Variants in ACTN4 observed in about 807,000 individuals in gnomAD.
ACTN4 encodes actinin alpha 4, also known as alpha-actinin-4.
In ACTN4, 18 loss-of-function variants were observed where a neutral mutation model predicts 114.2. That is an observed-to-expected ratio of 0.16 (90% CI 0.11 to 0.23). The LOEUF is 0.23. Ranked by LOEUF, ACTN4 falls within the 10% of genes least tolerant of loss-of-function variation. ACTN4 has a pLI of 1.00. For synonymous variants in ACTN4, 515 were observed against 506.3 expected (o/e 1.02, Z -0.23); for missense variants, 722 against 1,262.9 (o/e 0.57, Z 6.49).
chr19:38,731,274 G>T lies in ACTN4; in HGVS notation c.*1842G>T. ...AGTGGCCCACAGGGAACCCACCTTGGCATTGCATCCCCACCCCACCTCCTC... is the reference window on the plus strand; with the variant it reads ...AGTGGCCCACAGGGAACCCACCTTGTCATTGCATCCCCACCCCACCTCCTC... On this transcript the variant is annotated 3_prime_UTR_variant, in exon 21 of 21. Transcript: ENST00000252699. 1 of 1,424,536 alleles carries T rather than the reference G, an allele frequency of 7.0e-7. No homozygotes were observed. Among genetic ancestry groups the T allele is most frequent in the Non-Finnish European group, 9.9e-7 (1 of 1,012,358 alleles). The allele number at this position is 1,424,536 out of a possible 1,614,324, so 88.2% of individuals were successfully genotyped here. A position where few individuals can be genotyped will look rare whatever the true frequency, so the allele number is the denominator to read the frequency against.
At chr19:38,683,853 C>G (rs558899519) in intron 1 of ACTN4, 1 of 152,224 alleles carries the variant, frequency 6.6e-6, no homozygotes, top group Admixed American at 6.5e-5. Flanking sequence ...CTGACTTGCC[C>G]GCCCTCCCCC....
chr19:38,708,004 C>A, intron 5 of ACTN4, 113 bp from the exon 6 acceptor site: 1 of 1,112,854 alleles, frequency 9.0e-7, no homozygotes, highest in Non-Finnish European at 1.4e-6. Flanking sequence ...GTGCCTGGCA[C>A]AGGCCAGACT....
At position 38,724,514 on chromosome 19, in the gene ACTN4, G is replaced by T. The variant is rs765190661; in HGVS notation, c.1959G>T (p.Gln653His). 6.2e-7 allele frequency: 1 copy of T among 1,613,332 alleles called. No homozygotes were observed. The highest frequency in any genetic ancestry group is 8.5e-7 in the Non-Finnish European group (1 of 1,179,968). ...AGTCCAACGAGCACCTGCGCCGCCA[G>T]TTCGCCAGCCAGGCCAATGTTGTGG... is the stretch of plus-strand genomic sequence containing the variant. ...KQQSNEHLRR[Q>H]FASQANVVGP... is the part of the protein sequence containing the mutation. Residue 653 changes from glutamine (Q) to histidine (H), a missense_variant, in exon 16 of 21, where the codon CAG becomes CAT. This residue lies in a region of ACTN4 where 523 missense variants were observed against 875.9 expected (regional missense o/e 0.60). Coordinates refer to ENST00000252699, the MANE Select transcript of ACTN4 (RefSeq NM_004924.6). This position sits in a 1 kb window ranked among gnomAD's most constrained non-coding sequence, Gnocchi z 7.0.
intron 1 of ACTN4, among the ~76,000 whole-genome samples, chr19:38,687,225 G>GC (rs35837513): frequency 6.6e-6 from 1 of 151,846 alleles, no homozygotes; most frequent in Non-Finnish European, 1.5e-5. Context: ...ACCTGCCTCA[G>GC]CCCCCCCAAA....
chr19:38,673,475 TTATA>T (rs555078817), intron 1 of ACTN4, among the ~76,000 whole-genome samples: 2 of 64,246 alleles, frequency 3.1e-5, no homozygotes, highest in African/African-American at 1.1e-4. Context: ...TTATATATAT[TTATA>T]TATATATTCA....
chr19:38,673,620 T>C (rs1234337584), intron 1 of ACTN4, among the ~76,000 whole-genome samples: 7 of 66,408 alleles, frequency 1.1e-4, no homozygotes, highest in African/African-American at 2.4e-4. Context: ...TTTATATTTA[T>C]ATATATTCAT....
intron 1 of ACTN4, among the ~76,000 whole-genome samples, chr19:38,676,829 C>T (rs1967391304): frequency 6.6e-6 from 1 of 152,146 alleles, no homozygotes; most frequent in African/African-American, 2.4e-5. Flanking sequence ...ATGCCAAGTT[C>T]GAGCAACAGC....
chr19:38,698,782 C>T (rs558446325), intron 1 of ACTN4, among the ~76,000 whole-genome samples: 1 of 152,162 alleles, frequency 6.6e-6, no homozygotes, highest in Non-Finnish European at 1.5e-5. Flanking sequence ...ACTCTTGCCC[C>T]CTTTCGGATT....
intron 16 of ACTN4, 40 bp from the exon 17 acceptor site, chr19:38,725,684 C>A: frequency 3.1e-6 from 5 of 1,599,918 alleles, no homozygotes; most frequent in Non-Finnish European, 2.6e-6. Flanking sequence ...TGGGGGCAGG[C>A]CCACCAGCCT....
intron 1 of ACTN4, among the ~76,000 whole-genome samples, chr19:38,660,551 A>G (rs1976855357): frequency 6.6e-6 from 1 of 152,014 alleles, no homozygotes. Flanking sequence ...ACGTGCCACC[A>G]TGCCTGGCTA....
At chr19:38,652,509 G>A (rs1346366893) in intron 1 of ACTN4, among the ~76,000 whole-genome samples, 1 of 152,118 alleles carries the variant, frequency 6.6e-6, no homozygotes, top group African/African-American at 2.4e-5. Flanking sequence ...ACAATCCAGG[G>A]TGTGGGCCCA....
chr19:38,710,869 C>CA (rs1464973348), intron 8 of ACTN4: 1 of 235,726 alleles, frequency 4.2e-6, no homozygotes, highest in Non-Finnish European at 8.5e-6. Flanking sequence ...GAGTGAGTGA[C>CA]ACGCAGTGAT....
At chr19:38,657,383 TCCAC>T (rs1290165195) in intron 1 of ACTN4, among the ~76,000 whole-genome samples, 1 of 152,160 alleles carries the variant, frequency 6.6e-6, no homozygotes, top group East Asian at 1.9e-4. Flanking sequence ...CCTTAAGCGA[TCCAC>T]CCACCTTGGC....
intron 12 of ACTN4, among the ~76,000 whole-genome samples, chr19:38,723,171 C>T (rs1164520898): frequency 1.3e-5 from 2 of 152,158 alleles, no homozygotes; most frequent in Admixed American, 6.5e-5. Context: ...GAGCCCAGGC[C>T]CCCAGCCCTA....
intron 1 of ACTN4, among the ~76,000 whole-genome samples, chr19:38,687,841 G>A (rs62121823): frequency 0.056 from 8,544 of 152,242 alleles, 252 homozygotes; most frequent in South Asian, 0.095. Context: ...AGGACAACCC[G>A]CAGAATATTT....
At chr19:38,700,169 C>A (rs930746989) in intron 1 of ACTN4, among the ~76,000 whole-genome samples, 6 of 152,064 alleles carry the variant, frequency 3.9e-5, no homozygotes, top group African/African-American at 1.4e-4. Flanking sequence ...AGGAGCCCGA[C>A]CTGTTCATTC....
At position 38,727,620 on chromosome 19, in the gene ACTN4, A is replaced by C. The variant is rs1969281369; in HGVS notation, c.2338-326A>C. Among the ~76,000 whole-genome samples the C allele has an allele frequency of 1.4e-5, 2 of 146,370 alleles. No individual in the cohort carries two copies. The highest frequency in any genetic ancestry group is 2.5e-5 in the African/African-American group (1 of 39,824). ...CTGTCCCACTCCAAATCCCAAAGGC[A>C]AGGAGAACCCCCCCCCCGACCCTCC... On this transcript the variant is annotated intron_variant, in intron 18 of 20. Transcript: ENST00000252699. This position sits in a 1 kb window ranked among gnomAD's most constrained non-coding sequence, Gnocchi z 5.4.
intron 1 of ACTN4, among the ~76,000 whole-genome samples, chr19:38,699,137 C>T (rs1247691245): frequency 5.3e-5 from 8 of 152,182 alleles, no homozygotes; most frequent in Non-Finnish European, 1.0e-4. Flanking sequence ...GGGCTGGTTT[C>T]CCTGAAGGCG....
chr19:38,730,788 G>A lies in ACTN4; in HGVS notation c.*1356G>A, dbSNP rs1599874341. On this transcript the variant is annotated 3_prime_UTR_variant, in exon 21 of 21. Transcript: ENST00000252699. ...GAGAGTGGCACCCATGCCAGGCAAG[G>A]CCTAGGGAGGTGGTCTTGCTCAGCA... is the stretch of plus-strand genomic sequence containing the variant. 7.2e-6 allele frequency: 11 copies of A among 1,536,790 alleles called. No individual in the cohort carries two copies. In the East Asian group the frequency reaches 2.4e-4, roughly 34 times the overall value.
Sources: allele counts gnomAD v4.1 joint callset (sites outside exome capture counted in the v4.1 genomes callset), GRCh38; gene constraint gnomAD v4.1.1; regional missense constraint gnomAD v4.1.1; non-coding constraint Gnocchi (gnomAD v3.1); transcripts MANE v1.5; gene names NCBI Gene and HGNC (gene_info 2026-07-23, HGNC 2026-07-21).